ADGRB3: variants seen among roughly 807,000 people sequenced by gnomAD.
ADGRB3 encodes the protein adhesion G protein-coupled receptor B3.
Under a neutral mutation model 193.4 loss-of-function variants are expected in ADGRB3, and 37 were observed. That is an observed-to-expected ratio of 0.19 (90% CI 0.15 to 0.25). ADGRB3 has a LOEUF of 0.25. Ranked by LOEUF, ADGRB3 falls within the 10% of genes least tolerant of loss-of-function variation. The pLI is 1.00. For missense variants in ADGRB3, 1,637 were observed against 1,852.9 expected (o/e 0.88, Z 2.14); for synonymous variants, 690 against 644.2 (o/e 1.07, Z -1.08).
At chr6:68,706,178 C>G (rs1303652576) in intron 3 of ADGRB3, among the ~76,000 whole-genome samples, 1 of 151,966 alleles carries the variant, frequency 6.6e-6, no homozygotes, top group South Asian at 2.1e-4. Flanking sequence ...TTTTCACTAG[C>G]AAGAATGAGA....
intron 3 of ADGRB3, among the ~76,000 whole-genome samples, chr6:68,855,027 A>C (rs1195184547): frequency 1.3e-5 from 2 of 152,174 alleles, no homozygotes; most frequent in Non-Finnish European, 2.9e-5. Context: ...AGTCAGACCT[A>C]GGCACGACAG....
rs998684302 is a variant in ADGRB3, at chr6:69,233,564, T to C, written c.2607+148T>C. The C allele has an allele frequency of 5.8e-6, 6 of 1,026,788 alleles. No individual in the cohort carries two copies. The Admixed American group carries it at 9.6e-5, about 17-fold the overall frequency. The allele number at this position is 1,026,788 out of a possible 1,614,324, so 63.6% of individuals were successfully genotyped here. On this transcript the variant is annotated intron_variant, in intron 18 of 31. Transcript: ENST00000370598. ...CGTCTCCTCCTTAGCTATAGTAGCTTGGTGGAATGAATTCTAGTTGGTATT... is the reference window on the plus strand; with the variant it reads ...CGTCTCCTCCTTAGCTATAGTAGCTCGGTGGAATGAATTCTAGTTGGTATT...
At chr6:69,255,295 A>G (rs1766733875) in intron 20 of ADGRB3, among the ~76,000 whole-genome samples, 1 of 152,118 alleles carries the variant, frequency 6.6e-6, no homozygotes, top group Non-Finnish European at 1.5e-5. Flanking sequence ...TGACTTCTAC[A>G]ATGGTTGAAC....
chr6:69,178,046 C>G (rs1775476367), intron 17 of ADGRB3, among the ~76,000 whole-genome samples: 1 of 152,020 alleles, frequency 6.6e-6, no homozygotes, highest in African/African-American at 2.4e-5. Flanking sequence ...TGTTGAAGTC[C>G]CCTGCTGTTA....
intron 26 of ADGRB3, 66 bp from the exon 27 acceptor site, chr6:69,354,167 C>A: frequency 8.6e-7 from 1 of 1,169,386 alleles, no homozygotes; most frequent in Non-Finnish European, 1.3e-6. Context: ...GAGCTGATTG[C>A]CAAGATAGAC....
At chr6:68,685,449 T>C (rs891885581) in intron 3 of ADGRB3, among the ~76,000 whole-genome samples, 1 of 151,682 alleles carries the variant, frequency 6.6e-6, no homozygotes, top group South Asian at 2.1e-4. Flanking sequence ...CAATAGAACA[T>C]AGAAAAAATA....
At chr6:69,235,244 AG>A (rs1582566381) in intron 19 of ADGRB3, 109 bp downstream of exon 19, 1 of 873,780 alleles carries the variant, frequency 1.1e-6, no homozygotes, top group African/African-American at 1.7e-5. Context: ...TACTGAAAGC[AG>A]TATTTTTACA....
intron 15 of ADGRB3, among the ~76,000 whole-genome samples, chr6:69,056,334 G>A (rs1771545628): frequency 6.6e-6 from 1 of 151,964 alleles, no homozygotes; most frequent in African/African-American, 2.4e-5. Context: ...GGTTTTTGTT[G>A]TCAAGTTTAG....
chr6:68,730,411 G>T (rs1299854891), intron 3 of ADGRB3, among the ~76,000 whole-genome samples: 2 of 151,490 alleles, frequency 1.3e-5, no homozygotes, highest in Admixed American at 6.6e-5. Context: ...TCAGAAATTT[G>T]CATTTTAAGA....
At chr6:69,335,076 A>G (rs1017254562) in intron 24 of ADGRB3, among the ~76,000 whole-genome samples, 15 of 152,144 alleles carry the variant, frequency 9.9e-5, no homozygotes, top group African/African-American at 3.6e-4. Context: ...CAAGACATGA[A>G]GGTCATAAAA....
At chr6:68,922,688 A>G (rs1388352558) in intron 3 of ADGRB3, among the ~76,000 whole-genome samples, 5 of 152,194 alleles carry the variant, frequency 3.3e-5, no homozygotes, top group Admixed American at 3.3e-4. Context: ...AGGAGGAGGA[A>G]ACAGGTGCAG....
chr6:69,223,456 G>A (rs1394526635), intron 17 of ADGRB3, among the ~76,000 whole-genome samples: 1 of 152,030 alleles, frequency 6.6e-6, no homozygotes, highest in East Asian at 1.9e-4. Context: ...TTGCAGGAAT[G>A]TGCTCAGATT....
At chr6:68,955,826 A>G (rs1768055708) in intron 6 of ADGRB3, among the ~76,000 whole-genome samples, 198 bp from the exon 7 acceptor site, 1 of 152,154 alleles carries the variant, frequency 6.6e-6, no homozygotes, top group Admixed American at 6.6e-5. Flanking sequence ...TGGATATATA[A>G]AATAAAATAA....
intron 3 of ADGRB3, among the ~76,000 whole-genome samples, chr6:68,720,753 A>G (rs1765561303): frequency 6.6e-6 from 1 of 151,752 alleles, no homozygotes; most frequent in Non-Finnish European, 1.5e-5. Context: ...TAAGAATCCC[A>G]CTGAATTTAT....
intron 3 of ADGRB3, among the ~76,000 whole-genome samples, chr6:68,888,583 A>C (rs1010748433): frequency 6.6e-6 from 1 of 151,920 alleles, no homozygotes; most frequent in African/African-American, 2.4e-5. Context: ...ACATAAAAAA[A>C]ACTCCTGCCC....
At chr6:69,381,791 T>C (rs1006843719) in intron 30 of ADGRB3, among the ~76,000 whole-genome samples, 1 of 151,936 alleles carries the variant, frequency 6.6e-6, no homozygotes, top group Non-Finnish European at 1.5e-5. Context: ...AACATAGATA[T>C]AATATACCTA....
chr6:69,039,030 T>C (rs1028039522), intron 13 of ADGRB3, among the ~76,000 whole-genome samples: 5 of 152,198 alleles, frequency 3.3e-5, no homozygotes, highest in African/African-American at 9.6e-5. Flanking sequence ...ATCCCTTTGA[T>C]TGGCATGCCC....
Position 68,636,467 on chromosome 6 carries a change from A to C in ADGRB3, c.-188+467A>C, listed in dbSNP as rs530082471. On this transcript the variant is annotated intron_variant, in intron 1 of 31. Coordinates refer to ENST00000370598, the MANE Select transcript of ADGRB3 (RefSeq NM_001704.3). ...AGATAAATAAATAAATAAATAAATA[A>C]ATAAATAAATAAAACATCCTTGACA... is the stretch of plus-strand genomic sequence containing the variant. Among the ~76,000 whole-genome samples the C allele has an allele frequency of 5.3e-5, 8 of 151,774 alleles. No individual in the cohort carries two copies. The South Asian group carries it at 1.7e-3, about 32-fold the overall frequency.
At chr6:68,981,552 G>A (rs1451524884) in intron 10 of ADGRB3, among the ~76,000 whole-genome samples, 2 of 151,570 alleles carry the variant, frequency 1.3e-5, no homozygotes, top group Non-Finnish European at 1.5e-5. Context: ...CTAGAACAGG[G>A]CTGGTGAACT....
Sources: allele counts gnomAD v4.1 joint callset (sites outside exome capture counted in the v4.1 genomes callset), GRCh38; gene constraint gnomAD v4.1.1; transcripts MANE v1.5; gene names NCBI Gene and HGNC (gene_info 2026-07-23, HGNC 2026-07-21).